The following LAMA2 variants were observed in gnomAD, a reference collection of about 807,000 sequenced individuals.
LAMA2 encodes laminin subunit alpha-2.
In LAMA2, 269 loss-of-function variants were observed where a neutral mutation model predicts 364.8. The observed-to-expected ratio is 0.74, with a 90% CI of 0.67 to 0.82. The LOEUF (loss-of-function observed/expected upper bound fraction) is 0.82. Ranked by LOEUF, LAMA2 falls within the 40% of genes least tolerant of loss-of-function variation. LAMA2 has a pLI of 0.00. For synonymous variants in LAMA2, 1,379 were observed against 1,370.6 expected (o/e 1.01, Z -0.14); for missense variants, 3,807 against 3,873.2 (o/e 0.98, Z 0.45).
chr6:129,457,175 G>T (rs1783011332), intron 48 of LAMA2, among the ~76,000 whole-genome samples: 1 of 152,050 alleles, frequency 6.6e-6, no homozygotes, highest in Non-Finnish European at 1.5e-5. Flanking sequence ...CAGAAAATGT[G>T]AAAAGCCAGG....
At chr6:128,940,264 C>A (rs1319270248) in intron 1 of LAMA2, among the ~76,000 whole-genome samples, 1 of 152,104 alleles carries the variant, frequency 6.6e-6, no homozygotes, top group East Asian at 1.9e-4. Context: ...ATCAGACTGT[C>A]TCCCTAGACC....
chr6:129,391,603 G>A lies in LAMA2; in HGVS notation c.5184G>A (p.Leu1728=). ...QKEIDQMIKE[L]RRKNLETQKE... Reference sequence around the variant, plus strand: ...AGATTGACCAGATGATTAAAGAACTGAGGAGGAAAAATCTAGAGACACAAA... The same window carrying A: ...AGATTGACCAGATGATTAAAGAACTAAGGAGGAAAAATCTAGAGACACAAA... The change falls in exon 36 of 65, where the codon CTG becomes CTA. Residue 1728 remains leucine (L), a synonymous_variant. Transcript: ENST00000421865. 6.2e-7 allele frequency: 1 copy of A among 1,613,934 alleles called. No individual in the cohort carries two copies. The highest frequency in any genetic ancestry group is 1.1e-5 in the South Asian group (1 of 91,074).
At chr6:129,141,844 A>G (rs768851150) in intron 4 of LAMA2, among the ~76,000 whole-genome samples, 22 of 151,930 alleles carry the variant, frequency 1.4e-4, no homozygotes, top group Non-Finnish European at 2.9e-4. Context: ...CTGTACCTTT[A>G]GCACTGTGTG....
chr6:129,271,578 T>A (rs1787945858), intron 17 of LAMA2, among the ~76,000 whole-genome samples: 1 of 149,970 alleles, frequency 6.7e-6, no homozygotes, highest in African/African-American at 2.4e-5. Flanking sequence ...CAAGCCATTC[T>A]CCTGCCTCAG....
At chr6:128,927,757 T>C (rs1779188918) in intron 1 of LAMA2, among the ~76,000 whole-genome samples, 1 of 152,198 alleles carries the variant, frequency 6.6e-6, no homozygotes, top group African/African-American at 2.4e-5. Flanking sequence ...TATTTCGTTT[T>C]TTGTCACAAT....
At chr6:129,451,544 AAC>A (rs746837091) in intron 45 of LAMA2, among the ~76,000 whole-genome samples, 1 of 152,216 alleles carries the variant, frequency 6.6e-6, no homozygotes, top group African/African-American at 2.4e-5. Flanking sequence ...TTCTCTCCAG[AAC>A]ACAGTGTCCT....
At chr6:128,900,844 A>G (rs1777043003) in intron 1 of LAMA2, among the ~76,000 whole-genome samples, 1 of 152,116 alleles carries the variant, frequency 6.6e-6, no homozygotes, top group African/African-American at 2.4e-5. Context: ...TCACTAAGGT[A>G]TTTGAGCCAT....
intron 1 of LAMA2, among the ~76,000 whole-genome samples, chr6:128,995,145 A>G (rs1258856682): frequency 6.6e-6 from 1 of 152,202 alleles, no homozygotes; most frequent in East Asian, 1.9e-4. Flanking sequence ...TAAATATCAC[A>G]GTACTTATCA....
In LAMA2 at chr6:129,332,883, A is replaced by AT. The variant is rs10590805; in HGVS notation, c.4311+4498dup. Among the ~76,000 whole-genome samples, 799 of 104,368 alleles carry AT rather than the reference A, an allele frequency of 7.7e-3. 31 individuals are homozygous for AT. The highest frequency in any genetic ancestry group is 0.011 in the Non-Finnish European group (608 of 56,278). 68.5% of individuals were successfully genotyped at this position (104,368 alleles called of 152,430 possible). A position where few individuals can be genotyped will look rare whatever the true frequency, so the allele number is the denominator to read the frequency against. ...TGATTCAGTTATTGTTAAGTTTACC[A>AT]TTTTTTTTTTTTTTTTTTTTTTTTT... is the stretch of plus-strand genomic sequence containing the variant. On this transcript the variant is annotated intron_variant, in intron 29 of 64. Coordinates refer to ENST00000421865, the MANE Select transcript of LAMA2 (RefSeq NM_000426.4).
At chr6:129,334,509 A>G (rs1020598665) in intron 29 of LAMA2, among the ~76,000 whole-genome samples, 1 of 152,226 alleles carries the variant, frequency 6.6e-6, no homozygotes, top group Non-Finnish European at 1.5e-5. Flanking sequence ...CATACACATT[A>G]TCTACCATTT....
intron 3 of LAMA2, among the ~76,000 whole-genome samples, chr6:129,060,296 T>A (rs1788806718): frequency 6.6e-6 from 1 of 152,244 alleles, no homozygotes; most frequent in Non-Finnish European, 1.5e-5. Flanking sequence ...ATAACAAGGC[T>A]CTTGAGCAAA....
chr6:128,946,349 C>A (rs1189828075), intron 1 of LAMA2, among the ~76,000 whole-genome samples: 2 of 152,154 alleles, frequency 1.3e-5, no homozygotes, highest in Non-Finnish European at 2.9e-5. Flanking sequence ...CACAGTTGGA[C>A]AAAATTACCT....
At chr6:129,047,568 T>C (rs1295053317) in intron 1 of LAMA2, among the ~76,000 whole-genome samples, 1 of 152,092 alleles carries the variant, frequency 6.6e-6, no homozygotes, top group Non-Finnish European at 1.5e-5. Flanking sequence ...GACATATGTA[T>C]AAGGAGGGAG....
intron 4 of LAMA2, among the ~76,000 whole-genome samples, chr6:129,108,969 G>T (rs768956228): frequency 6.6e-6 from 1 of 152,076 alleles, no homozygotes; most frequent in African/African-American, 2.4e-5. Context: ...TACTTAAAAA[G>T]TGTTTTAGAA....
At chr6:129,502,539 A>T in intron 58 of LAMA2, 120 bp from the exon 59 acceptor site, 1 of 726,352 alleles carries the variant, frequency 1.4e-6, no homozygotes, top group East Asian at 2.6e-5. Context: ...ACAGAGATGA[A>T]TAATGTAGTT....
At chr6:129,513,145 A>G (rs1488300767) in intron 63 of LAMA2, among the ~76,000 whole-genome samples, 1 of 152,240 alleles carries the variant, frequency 6.6e-6, no homozygotes, top group African/African-American at 2.4e-5. Context: ...GTTATTAAAT[A>G]GGAATCGTAC....
chr6:128,926,250 T>C (rs1015080565), intron 1 of LAMA2, among the ~76,000 whole-genome samples: 5 of 151,866 alleles, frequency 3.3e-5, no homozygotes, highest in Admixed American at 3.3e-4. Flanking sequence ...AGTCTGTTCT[T>C]GACTTCTTTT....
intron 18 of LAMA2, among the ~76,000 whole-genome samples, chr6:129,281,563 G>C (rs1788719108): frequency 6.6e-6 from 1 of 152,150 alleles, no homozygotes; most frequent in African/African-American, 2.4e-5. Context: ...TACAAGGCTA[G>C]ACATTGGATA....
intron 12 of LAMA2, among the ~76,000 whole-genome samples, chr6:129,198,834 T>C (rs1252678452): frequency 1.3e-5 from 2 of 152,120 alleles, no homozygotes; most frequent in Non-Finnish European, 2.9e-5. Flanking sequence ...AAATCTATAA[T>C]GTCAGATAAA....
Sources: allele counts gnomAD v4.1 joint callset (sites outside exome capture counted in the v4.1 genomes callset), GRCh38; gene constraint gnomAD v4.1.1; transcripts MANE v1.5; gene names NCBI Gene and HGNC (gene_info 2026-07-23, HGNC 2026-07-21).